The following TC2N variants were observed in gnomAD, a reference collection of about 807,000 sequenced individuals.
TC2N encodes tandem C2 domains nuclear protein.
TC2N carries 51 observed loss-of-function variants against 61.9 expected under a neutral mutation model. The observed-to-expected ratio is 0.82, with a 90% CI of 0.66 to 1.04. TC2N has a LOEUF of 1.04. Among genes scored for constraint, TC2N ranks in the 50% least tolerant of loss-of-function variants. The pLI is 0.00. For synonymous variants in TC2N, 204 were observed against 192.6 expected (o/e 1.06, Z -0.49); for missense variants, 556 against 566.7 (o/e 0.98, Z 0.19).
chr14:91,843,789 G>A (rs1478468513), intron 1 of TC2N, among the ~76,000 whole-genome samples: 1 of 152,128 alleles, frequency 6.6e-6, no homozygotes, highest in East Asian at 1.9e-4. Context: ...TCTTTTTTAA[G>A]CCTTTAGTTA....
At chr14:91,853,431 A>G (rs1418442065) in intron 1 of TC2N, among the ~76,000 whole-genome samples, 1 of 152,174 alleles carries the variant, frequency 6.6e-6, no homozygotes, top group African/African-American at 2.4e-5. Flanking sequence ...TCACTGCGAT[A>G]ATGGCATTCT....
intron 1 of TC2N, among the ~76,000 whole-genome samples, chr14:91,840,514 G>C (rs1888143905): frequency 1.3e-5 from 2 of 152,162 alleles, no homozygotes; most frequent in Non-Finnish European, 2.9e-5. Context: ...CTGACATCTT[G>C]ACCTGAAAAC....
chr14:91,810,805 A>T (rs900132772), intron 3 of TC2N, among the ~76,000 whole-genome samples: 3 of 151,992 alleles, frequency 2.0e-5, no homozygotes, highest in African/African-American at 7.2e-5. Context: ...AACAGACGAG[A>T]CAGTGAACTT....
chr14:91,824,444 C>T (rs1887401666), intron 1 of TC2N, among the ~76,000 whole-genome samples: 1 of 152,202 alleles, frequency 6.6e-6, no homozygotes, highest in Non-Finnish European at 1.5e-5. Context: ...CTTTCCCCTG[C>T]AAACCTGCTT....
At chr14:91,806,934 A>G (rs1161573818) in intron 3 of TC2N, among the ~76,000 whole-genome samples, 5 of 152,224 alleles carry the variant, frequency 3.3e-5, no homozygotes, top group Admixed American at 3.3e-4. Flanking sequence ...GGCCAGGCCC[A>G]GGGCCCCCCT....
chr14:91,865,027 A>T (rs1443240111), intron 1 of TC2N, among the ~76,000 whole-genome samples: 2 of 152,028 alleles, frequency 1.3e-5, no homozygotes, highest in Non-Finnish European at 2.9e-5. Flanking sequence ...TGATCTGCCC[A>T]CTTCGGCCTC....
Position 91,783,107 on chromosome 14 carries a change from G to A in TC2N, c.1466C>T (p.Pro489Leu). The change falls in exon 12 of 12, where the codon CCA becomes CTA. Residue 489 changes from proline to leucine, a missense_variant. Physicochemically the swap from Pro to Leu is moderately conservative, Grantham distance 98. Coordinates refer to ENST00000435962, the MANE Select transcript of TC2N (RefSeq NM_001128596.3). ...KVVIRWHKLN[P>L]S Reference sequence around the variant, plus strand: ...AATTAATGTGTGAAGTCTTCAAGATGGATTTAATTTGTGCCACCTGATAAC... The same window carrying A: ...AATTAATGTGTGAAGTCTTCAAGATAGATTTAATTTGTGCCACCTGATAAC... 1 of 1,591,126 alleles carries A rather than the reference G, an allele frequency of 6.3e-7. No homozygotes were observed. The highest frequency in any genetic ancestry group is 1.3e-5 in the African/African-American group (1 of 74,518).
intron 1 of TC2N, among the ~76,000 whole-genome samples, chr14:91,819,488 A>G (rs560324373): frequency 6.6e-6 from 1 of 152,288 alleles, no homozygotes; most frequent in Non-Finnish European, 1.5e-5. Context: ...AGGTGACATA[A>G]AGACTTCTTC....
At chr14:91,846,207 A>C (rs527883377) in intron 1 of TC2N, among the ~76,000 whole-genome samples, 1 of 152,228 alleles carries the variant, frequency 6.6e-6, no homozygotes, top group Admixed American at 6.5e-5. Context: ...TTGCTCTCCA[A>C]CTGCCCTCTA....
At chr14:91,846,292 A>G (rs1350364885) in intron 1 of TC2N, among the ~76,000 whole-genome samples, 2 of 152,180 alleles carry the variant, frequency 1.3e-5, no homozygotes, top group Non-Finnish European at 2.9e-5. Context: ...TGCTAAAAAC[A>G]CAGTGGACAC....
chr14:91,852,696 T>C (rs1595277272), intron 1 of TC2N, among the ~76,000 whole-genome samples: 1 of 152,142 alleles, frequency 6.6e-6, no homozygotes, highest in Non-Finnish European at 1.5e-5. Flanking sequence ...TTGCATGACA[T>C]GTTTGAGGAA....
chr14:91,847,688 A>T, intron 1 of TC2N, among the ~76,000 whole-genome samples: 1 of 152,186 alleles, frequency 6.6e-6, no homozygotes, highest in East Asian at 1.9e-4. Flanking sequence ...CCCCTTGTGG[A>T]GCAGATATAA....
At chr14:91,862,967 A>G (rs903540711) in intron 1 of TC2N, among the ~76,000 whole-genome samples, 52 of 152,322 alleles carry the variant, frequency 3.4e-4, no homozygotes, top group African/African-American at 1.2e-3. Context: ...TTGACTAATT[A>G]TGGTTTTACT....
chr14:91,860,240 C>T (rs1442106670), intron 1 of TC2N, among the ~76,000 whole-genome samples: 3 of 150,600 alleles, frequency 2.0e-5, no homozygotes, highest in Non-Finnish European at 4.4e-5. Flanking sequence ...CCATAGCAGA[C>T]AGCAGCAATT....
Position 91,797,913 on chromosome 14 carries a change from A to C in TC2N, c.739-12T>G. ...CTTAAATCTCTGCACTAAAAAAATT[A>C]AAAATACAGTTTGAATTTTACAAAG... is the stretch of plus-strand genomic sequence containing the variant. On this transcript the variant is annotated splice_polypyrimidine_tract_variant and intron_variant, in intron 7 of 11. Coordinates refer to ENST00000435962, the MANE Select transcript of TC2N (RefSeq NM_001128596.3). 6.9e-7 allele frequency: 1 copy of C among 1,444,884 alleles called. No individual in the cohort carries two copies. Among genetic ancestry groups the C allele is most frequent in the Non-Finnish European group, 9.6e-7 (1 of 1,039,670 alleles). 89.5% of individuals were successfully genotyped at this position (1,444,884 alleles called of 1,614,324 possible).
Position 91,836,626 on chromosome 14 carries a change from A to AC in TC2N, c.-56-22802_-56-22801insG, listed in dbSNP as rs1409549726. 5.6e-5 allele frequency: 8 copies of AC among 141,736 alleles called. No homozygotes were observed. In the South Asian group the frequency reaches 6.9e-4, roughly 12 times the overall value. 8.8% of individuals were successfully genotyped at this position (141,736 alleles called of 1,614,324 possible). On this transcript the variant is annotated intron_variant, in intron 1 of 11. Coordinates refer to ENST00000435962, the MANE Select transcript of TC2N (RefSeq NM_001128596.3). Reference sequence around the variant, plus strand: ...GAGGCAAGGCGGGGAGGGGCGAGGCAGGGCGGGGCAGGGCGGGGAGTGGAG... The same window carrying AC: ...GAGGCAAGGCGGGGAGGGGCGAGGCACGGGCGGGGCAGGGCGGGGAGTGGAG...
chr14:91,833,899 A>G (rs903090037), intron 1 of TC2N, among the ~76,000 whole-genome samples: 3 of 152,192 alleles, frequency 2.0e-5, no homozygotes, highest in Non-Finnish European at 4.4e-5. Context: ...TACTCATAAA[A>G]TGATTTGTCT....
intron 11 of TC2N, among the ~76,000 whole-genome samples, chr14:91,783,788 T>C (rs1352855197): frequency 6.6e-6 from 1 of 152,130 alleles, no homozygotes; most frequent in Non-Finnish European, 1.5e-5. Context: ...ACAATAATTA[T>C]ATTATTATGA....
chr14:91,841,701 C>T lies in TC2N; in HGVS notation c.-57+25561G>A, dbSNP rs117471459. On this transcript the variant is annotated intron_variant, in intron 1 of 11. Transcript: ENST00000435962. ...TACCACTCCAGCAGTTAGACATGTG[C>T]GGCTTCCTAGAATCATTGCAAGTTC... Among the ~76,000 whole-genome samples, 295 of 152,272 alleles carry T rather than the reference C, an allele frequency of 1.9e-3. 1 individual carries two copies. Among genetic ancestry groups the T allele is most frequent in the East Asian group, 0.014 (73 of 5,178 alleles).
Sources: gnomAD v4.1 joint callset for allele counts (sites outside exome capture counted in the v4.1 genomes callset) on GRCh38, gnomAD v4.1.1 for gene constraint, MANE v1.5 for transcripts, NCBI Gene and HGNC (gene_info 2026-07-23, HGNC 2026-07-21) for gene names.